The following PPARGC1A variants were observed in gnomAD, a reference collection of about 807,000 sequenced individuals.
The protein encoded by PPARGC1A is PPARG coactivator 1 alpha.
Under a neutral mutation model 88.7 loss-of-function variants are expected in PPARGC1A, and 25 were observed. The observed-to-expected ratio is 0.28, with a 90% CI of 0.21 to 0.39. PPARGC1A has a LOEUF of 0.39. Ranked by LOEUF, PPARGC1A falls within the 10% of genes least tolerant of loss-of-function variation. The probability of loss-of-function intolerance (pLI) is 1.00; values close to 1 mark genes in which losing one functional copy is unlikely to be tolerated. For synonymous variants in PPARGC1A, 363 were observed against 355.6 expected, an observed-to-expected ratio of 1.02 and a Z score of -0.24; for missense variants, 880 against 968.7, an observed-to-expected ratio of 0.91 and a Z score of 1.22.
chr4:23,877,352 TAAAAATACAA>T (rs1317247452), intron 2 of PPARGC1A, among the ~76,000 whole-genome samples: 2 of 37,232 alleles, frequency 5.4e-5, no homozygotes, highest in Non-Finnish European at 9.8e-5. Flanking sequence ...CCGTCTCTAC[TAAAAATACAA>T]AAAAAAAAAA....
the PPARGC1A span, among the ~76,000 whole-genome samples, chr4:24,370,749 C>CTTTTT: frequency 5.1e-3 from 322 of 62,908 alleles, 3 homozygotes; most frequent in Non-Finnish European, 5.9e-3. Flanking sequence ...CTGTCTCTCT[C>CTTTTT]TTTTTTTTTT....
chr4:24,012,970 C>T, the PPARGC1A span, among the ~76,000 whole-genome samples: 1 of 152,120 alleles, frequency 6.6e-6, no homozygotes, highest in Admixed American at 6.6e-5. Flanking sequence ...CACAAGTACA[C>T]AATTTATTCT....
the PPARGC1A span, among the ~76,000 whole-genome samples, chr4:24,310,623 C>T: frequency 1.3e-5 from 2 of 152,056 alleles, no homozygotes; most frequent in Admixed American, 1.3e-4. Context: ...TTTCAGCTGG[C>T]ATCCAAAAAA....
At chr4:24,399,905 C>T in the PPARGC1A span, among the ~76,000 whole-genome samples, 1 of 151,976 alleles carries the variant, frequency 6.6e-6, no homozygotes, top group South Asian at 2.1e-4. Context: ...TCTGCCTCAG[C>T]CTCCTGAGCA....
At chr4:23,908,101 G>A (rs542999120), upstream of PPARGC1A, among the ~76,000 whole-genome samples, 13 of 152,332 alleles carry the variant, frequency 8.5e-5, no homozygotes, top group South Asian at 2.3e-3. Context: ...GTCATGGGAT[G>A]TTGGGGCACA....
At chr4:23,906,087 A>G (rs1483368250), upstream of PPARGC1A, among the ~76,000 whole-genome samples, 1 of 152,206 alleles carries the variant, frequency 6.6e-6, no homozygotes, top group African/African-American at 2.4e-5. Flanking sequence ...GTGTCTCTAA[A>G]TTTGATCTGA....
chr4:23,859,133 A>C (rs1335437054), intron 2 of PPARGC1A, among the ~76,000 whole-genome samples: 1 of 152,186 alleles, frequency 6.6e-6, no homozygotes, highest in Admixed American at 6.5e-5. Context: ...TTTCCAGGGA[A>C]TATTCCCAGG....
chr4:24,300,889 T>C, the PPARGC1A span, among the ~76,000 whole-genome samples: 2 of 152,056 alleles, frequency 1.3e-5, no homozygotes, highest in Non-Finnish European at 2.9e-5. Flanking sequence ...GTCTGAAACA[T>C]AGGAACAGTG....
the PPARGC1A span, among the ~76,000 whole-genome samples, chr4:24,049,151 T>C: frequency 6.7e-6 from 1 of 150,334 alleles, no homozygotes; most frequent in Admixed American, 6.7e-5. Context: ...TGTGTGTGTG[T>C]GAGTGTGTGT....
At chr4:24,183,929 C>T in the PPARGC1A span, among the ~76,000 whole-genome samples, 8 of 152,238 alleles carry the variant, frequency 5.3e-5, no homozygotes, top group Admixed American at 5.2e-4. Context: ...ACAAAACGGG[C>T]CTGGTGTGAA....
At chr4:23,939,976 T>C in the PPARGC1A span, among the ~76,000 whole-genome samples, 2 of 152,214 alleles carry the variant, frequency 1.3e-5, no homozygotes, top group Non-Finnish European at 2.9e-5. Flanking sequence ...CTTGGAAGTA[T>C]TCAGAATCTG....
At chr4:24,234,736 A>T in the PPARGC1A span, among the ~76,000 whole-genome samples, 2 of 152,236 alleles carry the variant, frequency 1.3e-5, no homozygotes, top group African/African-American at 4.8e-5. Flanking sequence ...CTGGGAAAGT[A>T]ATGTATCCTG....
At chr4:23,915,179 A>G in the PPARGC1A span, among the ~76,000 whole-genome samples, 1 of 151,962 alleles carries the variant, frequency 6.6e-6, no homozygotes, top group East Asian at 1.9e-4. Context: ...TTTTTTTTAA[A>G]TGGGATTTTT....
the PPARGC1A span, among the ~76,000 whole-genome samples, chr4:24,384,342 C>T: frequency 2.4e-4 from 37 of 152,074 alleles, no homozygotes; most frequent in African/African-American, 8.9e-4. Context: ...GCAAAATAAC[C>T]AGCTAACATC....
the PPARGC1A span, among the ~76,000 whole-genome samples, chr4:24,141,534 T>C: frequency 6.6e-6 from 1 of 152,212 alleles, no homozygotes; most frequent in Admixed American, 6.5e-5. Context: ...GTGGAGAACA[T>C]GCCATTCAAG....
At chr4:24,353,635 T>C in the PPARGC1A span, among the ~76,000 whole-genome samples, 1 of 152,158 alleles carries the variant, frequency 6.6e-6, no homozygotes, top group Admixed American at 6.5e-5. Context: ...CCCCTGCAGA[T>C]TGTTGTGAGA....
the PPARGC1A span, among the ~76,000 whole-genome samples, chr4:24,035,792 A>C: frequency 1.3e-5 from 2 of 152,206 alleles, no homozygotes; most frequent in Non-Finnish European, 2.9e-5. Flanking sequence ...ATAGTTTAGG[A>C]AAAGTCTGCA....
the PPARGC1A span, among the ~76,000 whole-genome samples, chr4:24,204,119 T>G: frequency 2.0e-5 from 3 of 152,102 alleles, no homozygotes; most frequent in African/African-American, 7.3e-5. Context: ...ATCAGCCAGC[T>G]GACCAACAAG....
chr4:24,259,565 T>A, the PPARGC1A span, among the ~76,000 whole-genome samples: 2 of 152,354 alleles, frequency 1.3e-5, no homozygotes, highest in South Asian at 4.1e-4. Flanking sequence ...CTTTTCTATG[T>A]TTAGATACAA....
Sources: gnomAD v4.1 joint callset for allele counts (sites outside exome capture counted in the v4.1 genomes callset) on GRCh38, gnomAD v4.1.1 for gene constraint, MANE v1.5 for transcripts, NCBI Gene and HGNC (gene_info 2026-07-23, HGNC 2026-07-21) for gene names.